The following SPTA1 variants were observed in gnomAD, a reference collection of about 807,000 sequenced individuals.
The protein encoded by SPTA1 is spectrin alpha, erythrocytic 1.
A neutral mutation model predicts 324.7 loss-of-function variants in SPTA1; 177 were observed. The observed-to-expected ratio is 0.55, with a 90% CI of 0.48 to 0.62. The LOEUF (loss-of-function observed/expected upper bound fraction) is 0.62, where lower values mean the gene tolerates loss of function less well. Among genes scored for constraint, SPTA1 ranks in the 20% least tolerant of loss-of-function variants. The pLI is 0.00. For synonymous variants in SPTA1, 1,195 were observed against 1,041.3 expected (o/e 1.15, Z -2.84); for missense variants, 3,162 against 2,883.6 (o/e 1.10, Z -2.21).
intron 12 of SPTA1, 122 bp from the exon 13 acceptor site, chr1:158,669,908 G>A: frequency 1.1e-6 from 1 of 880,938 alleles, no homozygotes; most frequent in Non-Finnish European, 1.9e-6. Flanking sequence ...TTGAAGGCCA[G>A]CAGATGTAAG....
intron 1 of SPTA1, among the ~76,000 whole-genome samples, 173 bp downstream of exon 1, chr1:158,686,321 G>C (rs1655170805): frequency 1.3e-5 from 2 of 151,980 alleles, no homozygotes; most frequent in Non-Finnish European, 2.9e-5. Flanking sequence ...GTGCTGCACA[G>C]ACATAAGCTC....
At chr1:158,655,882 T>A (rs1173869932) in intron 20 of SPTA1, among the ~76,000 whole-genome samples, 1 of 152,188 alleles carries the variant, frequency 6.6e-6, no homozygotes, top group Non-Finnish European at 1.5e-5. Flanking sequence ...CCACAAAACT[T>A]GATTGTTTTG....
intron 42 of SPTA1, 107 bp downstream of exon 42, chr1:158,626,039 C>G: frequency 1.1e-6 from 1 of 907,320 alleles, no homozygotes; most frequent in Non-Finnish European, 1.8e-6. Context: ...GAAAATCTTA[C>G]AGAGGCTACA....
chr1:158,633,676 A>T (rs916994695), intron 39 of SPTA1, among the ~76,000 whole-genome samples: 1 of 151,274 alleles, frequency 6.6e-6, no homozygotes, highest in Non-Finnish European at 1.5e-5. Context: ...AAAAAAAAAA[A>T]AAGAAAAGAA....
Position 158,619,692 on chromosome 1 carries a change from T to C in SPTA1, c.6418-358A>G, listed in dbSNP as rs115756203. Among the ~76,000 whole-genome samples the C allele has an allele frequency of 5.9e-3, 900 of 152,340 alleles. 2 individuals are homozygous for C. Among genetic ancestry groups the C allele is most frequent in the Non-Finnish European group, 9.3e-3 (632 of 68,030 alleles). ...TGCTACCCTTAGAAACAATAGTTAC[T>C]ATCTAAAAATGGTGATATTGTGGTT... On this transcript the variant is annotated intron_variant, in intron 44 of 51. Coordinates refer to ENST00000643759, the MANE Select transcript of SPTA1 (RefSeq NM_003126.4).
At chr1:158,626,760 C>T in intron 41 of SPTA1, 79 bp downstream of exon 41, 1 of 1,588,558 alleles carries the variant, frequency 6.3e-7, no homozygotes, top group Non-Finnish European at 8.6e-7. Context: ...CAGTAAAAGT[C>T]CCAGAGACCA....
chr1:158,659,901 C>T (rs1185879655), intron 18 of SPTA1, among the ~76,000 whole-genome samples: 1 of 61,406 alleles, frequency 1.6e-5, no homozygotes, highest in African/African-American at 2.6e-4. Flanking sequence ...TGAGCCACCG[C>T]GCCCGGCCTA....
intron 32 of SPTA1, 64 bp from the exon 33 acceptor site, chr1:158,642,606 T>C (rs1393802421): frequency 1.1e-5 from 17 of 1,605,378 alleles, no homozygotes; most frequent in Middle Eastern, 1.8e-4. Flanking sequence ...ATAAGGTAAA[T>C]TGTATTTAAA....
intron 38 of SPTA1, among the ~76,000 whole-genome samples, chr1:158,635,378 A>G (rs912198032): frequency 3.4e-5 from 5 of 146,090 alleles, no homozygotes; most frequent in African/African-American, 1.3e-4. Flanking sequence ...CCATGATTGT[A>G]AGTTTCCTGA....
intron 24 of SPTA1, among the ~76,000 whole-genome samples, chr1:158,650,806 T>C (rs1247714464): frequency 6.6e-6 from 1 of 152,192 alleles, no homozygotes; most frequent in Non-Finnish European, 1.5e-5. Context: ...GGTGGACATG[T>C]AAGGAAAAAA....
chr1:158,621,357 G>T (rs1160020519), intron 43 of SPTA1, among the ~76,000 whole-genome samples: 2 of 152,166 alleles, frequency 1.3e-5, no homozygotes, highest in African/African-American at 4.8e-5. Context: ...TGGCCCAAAT[G>T]GAGGGAGGAT....
intron 23 of SPTA1, 60 bp from the exon 24 acceptor site, chr1:158,651,528 C>G (rs1008845540): frequency 2.6e-5 from 29 of 1,124,308 alleles, no homozygotes; most frequent in Non-Finnish European, 3.9e-5. Flanking sequence ...TAAATCCCCT[C>G]ATCAAGAATC....
At chr1:158,650,636 A>G (rs1467867755) in intron 24 of SPTA1, among the ~76,000 whole-genome samples, 1 of 151,436 alleles carries the variant, frequency 6.6e-6, no homozygotes, top group Non-Finnish European at 1.5e-5. Flanking sequence ...TCCCACTATC[A>G]TAGCTTCTTT....
Position 158,612,656 on chromosome 1 carries a change from C to G in SPTA1, c.7134+161G>C. The G allele has an allele frequency of 4.0e-6, 3 of 748,636 alleles. No individual in the cohort carries two copies. In the South Asian group the frequency reaches 4.9e-5, roughly 12 times the overall value. 46.4% of individuals were successfully genotyped at this position (748,636 alleles called of 1,614,324 possible). ...AGTACGTTTTTGAGTTGGGTCAAGA[C>G]AAAATGAAGTGGTTACCAAAGCAAA... On this transcript the variant is annotated intron_variant, in intron 51 of 51. Transcript: ENST00000643759.
At position 158,661,339 on chromosome 1, in the gene SPTA1, A is replaced by G; in HGVS notation, c.2535T>C (p.His845=). 6.2e-7 allele frequency: 1 copy of G among 1,613,904 alleles called. No individual in the cohort carries two copies. The highest frequency in any genetic ancestry group is 1.7e-4 in the Middle Eastern group (1 of 6,060). Residue 845 remains histidine, a synonymous_variant, in exon 18 of 52, where the codon CAT becomes CAC. Coordinates refer to ENST00000643759, the MANE Select transcript of SPTA1 (RefSeq NM_003126.4). Reference sequence around the variant, plus strand: ...CTGTTATCTCTTGAATGCGTGGTTCATGGCTGGCAATGTTCTCCAGGATGA... The same window carrying G: ...CTGTTATCTCTTGAATGCGTGGTTCGTGGCTGGCAATGTTCTCCAGGATGA... The part of the protein sequence containing the change: ...HRVILENIAS[H]EPRIQEITER...
intron 8 of SPTA1, among the ~76,000 whole-genome samples, chr1:158,675,017 T>C (rs1299606997): frequency 2.0e-5 from 3 of 152,188 alleles, no homozygotes; most frequent in African/African-American, 7.2e-5. Flanking sequence ...CATGTTGTTA[T>C]ATAAATAAGA....
chr1:158,625,420 T>C (rs1650205722), intron 42 of SPTA1, among the ~76,000 whole-genome samples: 1 of 152,030 alleles, frequency 6.6e-6, no homozygotes, highest in Non-Finnish European at 1.5e-5. Context: ...AAAATGAAAA[T>C]CTGGTTGGTA....
intron 43 of SPTA1, chr1:158,622,691 T>A (rs1649992636): frequency 5.4e-6 from 2 of 372,962 alleles, no homozygotes; most frequent in South Asian, 4.7e-5. Context: ...GCCTGACAGT[T>A]TTAATTCTAT....
chr1:158,645,480 C>T lies in SPTA1; in HGVS notation c.3996+15G>A. 5.6e-6 allele frequency: 9 copies of T among 1,613,938 alleles called. No individual in the cohort carries two copies. The highest frequency in any genetic ancestry group is 7.6e-6 in the Non-Finnish European group (9 of 1,179,914). On this transcript the variant is annotated intron_variant, in intron 28 of 51. Coordinates refer to ENST00000643759, the MANE Select transcript of SPTA1 (RefSeq NM_003126.4). ...CAGGTCAAGTGATCAGTGGCTGTGA[C>T]TTTTGTAGTTTTACCTGATGTCTCT...
Sources: allele counts gnomAD v4.1 joint callset (sites outside exome capture counted in the v4.1 genomes callset), GRCh38; gene constraint gnomAD v4.1.1; transcripts MANE v1.5; gene names NCBI Gene and HGNC (gene_info 2026-07-23, HGNC 2026-07-21).